The following SHANK2 variants were observed in gnomAD, a reference collection of about 807,000 sequenced individuals.
The protein encoded by SHANK2 is SH3 and multiple ankyrin repeat domains 2.
A neutral mutation model predicts 133.7 loss-of-function variants in SHANK2; 43 were observed. The ratio of observed to expected loss-of-function variants is 0.32; its 90% CI spans 0.25 to 0.41. The LOEUF (loss-of-function observed/expected upper bound fraction) is 0.41, where lower values mean the gene tolerates loss of function less well. Among genes scored for constraint, SHANK2 ranks in the 10% least tolerant of loss-of-function variants. The pLI is 1.00. For synonymous variants in SHANK2, 1,017 were observed against 952.8 expected (o/e 1.07, Z -1.24); for missense variants, 1,994 against 2,235.8 (o/e 0.89, Z 2.18).
At chr11:70,674,568 C>T (rs781856486) in intron 15 of SHANK2, among the ~76,000 whole-genome samples, 16 of 152,210 alleles carry the variant, frequency 1.1e-4, no homozygotes, top group Non-Finnish European at 2.1e-4. Context: ...AGGCTGGTCT[C>T]GAACTCCTGA....
chr11:71,122,597 GT>G (rs1223044633), intron 3 of SHANK2, among the ~76,000 whole-genome samples: 2 of 152,128 alleles, frequency 1.3e-5, no homozygotes, highest in Non-Finnish European at 1.5e-5. Context: ...GTATACATAT[GT>G]AACAAACCTG....
chr11:70,820,862 C>T (rs1290559081), intron 11 of SHANK2, among the ~76,000 whole-genome samples, 180 bp from the exon 12 acceptor site: 1 of 152,148 alleles, frequency 6.6e-6, no homozygotes, highest in Admixed American at 6.5e-5. Flanking sequence ...GAACTCACCC[C>T]TGACATGGAA....
rs560680002 is a variant in SHANK2 at position 70,699,269 on chromosome 11, C to CCCACATGA, written c.1778-514_1778-507dup. On this transcript the variant is annotated intron_variant, in intron 14 of 25. Coordinates refer to ENST00000601538, the MANE Select transcript of SHANK2 (RefSeq NM_012309.5). ...CCTAAAAAAAAAAAAAAGCACCAAA[C>CCCACATGA]CCACATGATTAACATTTCTAATTAA... Among the ~76,000 whole-genome samples, 315 of 149,582 alleles carry CCCACATGA rather than the reference C, an allele frequency of 2.1e-3. 6 individuals are homozygous for CCCACATGA. Among genetic ancestry groups the CCCACATGA allele is most frequent in the African/African-American group, 7.4e-3 (302 of 40,836 alleles).
chr11:70,768,427 GGTGAGGAATGTGACCCGGA>G (rs562289714), intron 14 of SHANK2, among the ~76,000 whole-genome samples: 10 of 152,208 alleles, frequency 6.6e-5, no homozygotes, highest in Non-Finnish European at 1.3e-4. Context: ...AAAAGGATGA[GGTGAGGAATGTGACCCGGA>G]GGCAGTTCAG....
intron 11 of SHANK2, among the ~76,000 whole-genome samples, chr11:70,878,296 G>A (rs538291462): frequency 2.6e-5 from 4 of 152,296 alleles, no homozygotes; most frequent in Admixed American, 2.0e-4. Flanking sequence ...GCAGGACCCT[G>A]GGAGGACCTC....
At chr11:70,596,385 T>C (rs781804013) in intron 17 of SHANK2, among the ~76,000 whole-genome samples, 3 of 150,624 alleles carry the variant, frequency 2.0e-5, no homozygotes, top group Non-Finnish European at 4.4e-5. Context: ...AGAGAAACTG[T>C]CCAGGGTATT....
At chr11:71,235,599 A>AC (rs1230516583) in intron 1 of SHANK2, among the ~76,000 whole-genome samples, 3 of 149,344 alleles carry the variant, frequency 2.0e-5, no homozygotes, top group African/African-American at 7.5e-5. Context: ...CTCTCGGGGA[A>AC]AAAAAAAAAA....
At chr11:70,769,663 C>A (rs563517621) in intron 14 of SHANK2, among the ~76,000 whole-genome samples, 1 of 152,318 alleles carries the variant, frequency 6.6e-6, no homozygotes, top group South Asian at 2.1e-4. Flanking sequence ...GTGTGCTGAG[C>A]ACAAGTGAAG....
At chr11:71,089,063 A>G (rs950315036) in intron 8 of SHANK2, among the ~76,000 whole-genome samples, 2,153 of 152,288 alleles carry the variant, frequency 0.014, 62 homozygotes, top group African/African-American at 0.049. Flanking sequence ...ACCTCAAATC[A>G]GCCTAGTGAG....
rs1279663762 is a variant in SHANK2, at chr11:70,561,421, C to T, written c.2062-58490G>A. ...CCCAGCTTGGCCTCCCAAAGTGCAT[C>T]GATTTTCTCGACGTTGCCAAAGAAC... is the stretch of plus-strand genomic sequence containing the variant. On this transcript the variant is annotated intron_variant, in intron 17 of 25. Transcript: ENST00000601538. Among the ~76,000 whole-genome samples the T allele has an allele frequency of 3.3e-5, 5 of 151,994 alleles. No homozygotes were observed. The East Asian group carries it at 9.7e-4, about 30-fold the overall frequency.
intron 14 of SHANK2, among the ~76,000 whole-genome samples, chr11:70,759,544 G>A (rs540570680): frequency 2.0e-5 from 3 of 152,298 alleles, no homozygotes; most frequent in Non-Finnish European, 4.4e-5. Flanking sequence ...GGTTGGGCAC[G>A]TCTTGTTATG....
intron 14 of SHANK2, among the ~76,000 whole-genome samples, chr11:70,759,574 A>G (rs1449927107): frequency 6.6e-6 from 1 of 152,218 alleles, no homozygotes; most frequent in African/African-American, 2.4e-5. Flanking sequence ...GTTGAGGTTT[A>G]GCCACAACTG....
intron 6 of SHANK2, among the ~76,000 whole-genome samples, chr11:71,096,530 A>G (rs73521132): frequency 0.041 from 6,164 of 152,118 alleles, 221 homozygotes; most frequent in African/African-American, 0.098. Context: ...GCATCTGGGG[A>G]GTTTATTCCT....
chr11:70,864,799 G>A (rs987423980), intron 11 of SHANK2: 1 of 152,428 alleles, frequency 6.6e-6, no homozygotes, highest in Non-Finnish European at 1.5e-5. Flanking sequence ...GCTGAGGTGG[G>A]AGGATCCCTT....
chr11:70,554,358 C>T (rs1273692524), intron 17 of SHANK2, among the ~76,000 whole-genome samples: 2 of 152,242 alleles, frequency 1.3e-5, no homozygotes, highest in Admixed American at 6.5e-5. Context: ...GGTTCCAGAG[C>T]GGCCTCTTTT....
At chr11:70,502,362 C>T in intron 18 of SHANK2, 76 bp from the exon 19 acceptor site, 1 of 1,396,282 alleles carries the variant, frequency 7.2e-7, no homozygotes, top group South Asian at 1.3e-5. Context: ...AGCAGTGGCC[C>T]TGTGGCTGGC....
At chr11:70,496,745 C>G (rs2058976889) in intron 21 of SHANK2, among the ~76,000 whole-genome samples, 1 of 152,046 alleles carries the variant, frequency 6.6e-6, no homozygotes, top group African/African-American at 2.4e-5. Context: ...CTTGTGCCTG[C>G]CATGTGATGG....
At chr11:71,114,679 T>C (rs932893370) in intron 4 of SHANK2, among the ~76,000 whole-genome samples, 2 of 152,200 alleles carry the variant, frequency 1.3e-5, no homozygotes, top group Admixed American at 6.5e-5. Flanking sequence ...TACAGGCCCA[T>C]TTTAGAACTT....
intron 17 of SHANK2, among the ~76,000 whole-genome samples, chr11:70,520,470 G>A (rs2059316911): frequency 6.6e-6 from 1 of 152,144 alleles, no homozygotes; most frequent in South Asian, 2.1e-4. Context: ...GGGTGTTCAG[G>A]AGGTAAAGAG....
Sources: gnomAD v4.1 joint callset for allele counts (sites outside exome capture counted in the v4.1 genomes callset) on GRCh38, gnomAD v4.1.1 for gene constraint, MANE v1.5 for transcripts, NCBI Gene and HGNC (gene_info 2026-07-23, HGNC 2026-07-21) for gene names.